The following PCNX1 variants were observed in gnomAD, a reference collection of about 807,000 sequenced individuals.
PCNX1 encodes pecanex 1, also known as pecanex-like protein 1.
PCNX1 carries 78 observed loss-of-function variants against 242.2 expected under a neutral mutation model. That is an observed-to-expected ratio of 0.32 (90% CI 0.27 to 0.39). PCNX1 has a LOEUF of 0.39. PCNX1 is among the 10% of genes least tolerant of loss of function. The pLI, the probability that PCNX1 is intolerant of heterozygous loss-of-function variation, is 1.00. For missense variants in PCNX1, 2,581 were observed against 2,856.5 expected (o/e 0.90, Z 2.20); for synonymous variants, 1,024 against 1,032.9 (o/e 0.99, Z 0.17).
chr14:70,964,073 C>CT (rs1327222739), intron 3 of PCNX1, among the ~76,000 whole-genome samples: 1 of 151,436 alleles, frequency 6.6e-6, no homozygotes, highest in Non-Finnish European at 1.5e-5. Flanking sequence ...TAGATTGATA[C>CT]TTTTTTTTTC....
intron 6 of PCNX1, among the ~76,000 whole-genome samples, chr14:70,979,973 T>C (rs1450927213): frequency 6.6e-6 from 1 of 151,996 alleles, no homozygotes; most frequent in Non-Finnish European, 1.5e-5. Flanking sequence ...CTTTTTTTTT[T>C]TTTTTGTAAA....
At chr14:70,915,646 AT>A (rs2056123822) in intron 1 of PCNX1, among the ~76,000 whole-genome samples, 1 of 152,132 alleles carries the variant, frequency 6.6e-6, no homozygotes. Context: ...TATGTAAGTC[AT>A]TTCCAGGTTT....
rs768320571 is a variant in PCNX1, at chr14:70,977,580, T to A, written c.1243T>A (p.Ser415Thr). 4.3e-6 allele frequency: 7 copies of A among 1,613,926 alleles called. No homozygotes were observed. The Admixed American group carries it at 8.3e-5, about 19-fold the overall frequency. The change falls in exon 6 of 36, where the codon TCA becomes ACA. Residue 415 changes from serine to threonine, a missense_variant. Transcript: ENST00000304743. ...CTCAACTCACATAGAGAGCATCCTG[T>A]CAGAGCATGAGGAGTCTCCTAAAGC... ...TSSTHIESIL[S>T]EHEESPKAGT...
intron 30 of PCNX1, among the ~76,000 whole-genome samples, chr14:71,097,237 T>C (rs2062314603): frequency 6.6e-6 from 1 of 152,242 alleles, no homozygotes; most frequent in African/African-American, 2.4e-5. Flanking sequence ...AGATTGATTC[T>C]GCATCTTTGC....
At chr14:71,028,584 T>G in intron 15 of PCNX1, 116 bp from the exon 16 acceptor site, 2 of 610,262 alleles carry the variant, frequency 3.3e-6, no homozygotes, top group Non-Finnish European at 5.6e-6. Flanking sequence ...AAATTCAGAT[T>G]AGTAGATATT....
At chr14:70,990,301 C>G (rs1429835593) in intron 7 of PCNX1, among the ~76,000 whole-genome samples, 2 of 151,884 alleles carry the variant, frequency 1.3e-5, no homozygotes, top group Non-Finnish European at 2.9e-5. Flanking sequence ...GTGGCTCATG[C>G]CTGTAATCCC....
At chr14:71,018,619 A>G (rs1028539938) in intron 11 of PCNX1, among the ~76,000 whole-genome samples, 25 of 152,162 alleles carry the variant, frequency 1.6e-4, no homozygotes, top group South Asian at 6.2e-4. Context: ...TCTAGAAACT[A>G]TTTTGAGATT....
At chr14:71,104,566 T>A (rs911750291) in intron 32 of PCNX1, among the ~76,000 whole-genome samples, 1 of 152,114 alleles carries the variant, frequency 6.6e-6, no homozygotes, top group Non-Finnish European at 1.5e-5. Context: ...ATATTAACAG[T>A]ATAAATAAAT....
At chr14:71,011,773 TAA>T in intron 10 of PCNX1, 1 of 479,542 alleles carries the variant, frequency 2.1e-6, no homozygotes, top group Non-Finnish European at 3.7e-6. Flanking sequence ...TAGAGTATTT[TAA>T]AAAGTGTTTT....
At chr14:71,030,406 C>T (rs754380152) in intron 16 of PCNX1, among the ~76,000 whole-genome samples, 15 of 152,010 alleles carry the variant, frequency 9.9e-5, no homozygotes, top group Non-Finnish European at 2.1e-4. Context: ...TTCTAGTTTA[C>T]GTGCCTAGAT....
At position 70,978,090 on chromosome 14, in the gene PCNX1, G is replaced by C; in HGVS notation, c.1753G>C (p.Gly585Arg). Residue 585 changes from glycine to arginine, a missense_variant, in exon 6 of 36, where the codon GGT becomes CGT. Gly to Arg is a moderately radical substitution (Grantham distance 125). This residue lies in a region of PCNX1 where 1,204 missense variants were observed against 1,216.7 expected (regional missense o/e 0.99). Coordinates refer to ENST00000304743, the MANE Select transcript of PCNX1 (RefSeq NM_014982.3). ...SRHRDYVCFR[G>R]VSGTKPHSAI... The stretch of plus-strand genomic sequence containing the variant: ...GCATAGGGACTATGTTTGCTTTCGA[G>C]GTGTTTCTGGTACCAAGCCACACAG... 1 of 1,614,046 alleles carries C rather than the reference G, an allele frequency of 6.2e-7. No homozygotes were observed. Among genetic ancestry groups the C allele is most frequent in the Non-Finnish European group, 8.5e-7 (1 of 1,180,018 alleles).
chr14:70,941,653 A>C (rs765814573), intron 1 of PCNX1, among the ~76,000 whole-genome samples: 5 of 152,132 alleles, frequency 3.3e-5, no homozygotes, highest in Admixed American at 2.6e-4. Flanking sequence ...TACTCTCTTC[A>C]AAGTTGTCAG....
At chr14:70,966,360 C>T (rs995085286) in intron 3 of PCNX1, among the ~76,000 whole-genome samples, 2 of 152,138 alleles carry the variant, frequency 1.3e-5, no homozygotes, top group Non-Finnish European at 2.9e-5. Context: ...AACGTTAGGC[C>T]TCTGGATTGG....
intron 2 of PCNX1, among the ~76,000 whole-genome samples, chr14:70,950,033 T>C (rs994132381): frequency 5.9e-5 from 9 of 152,198 alleles, no homozygotes; most frequent in African/African-American, 2.2e-4. Flanking sequence ...TGGGCACTCC[T>C]CTCTTAAGAC....
At chr14:70,964,902 T>A (rs117310566) in intron 3 of PCNX1, among the ~76,000 whole-genome samples, 310 of 152,348 alleles carry the variant, frequency 2.0e-3, no homozygotes, top group South Asian at 0.011. Flanking sequence ...ATGGTTGACA[T>A]AATTATTCTT....
At chr14:71,059,214 A>T (rs982585259) in intron 26 of PCNX1, among the ~76,000 whole-genome samples, 1 of 152,156 alleles carries the variant, frequency 6.6e-6, no homozygotes, top group African/African-American at 2.4e-5. Context: ...CCAGATTTTT[A>T]TTCTCTGGTA....
chr14:71,052,084 A>T, intron 24 of PCNX1, 72 bp downstream of exon 24: 1 of 1,068,482 alleles, frequency 9.4e-7, no homozygotes, highest in Non-Finnish European at 1.4e-6. Context: ...CAGCATTATT[A>T]TTAGAATTTA....
At position 71,110,689 on chromosome 14, in the gene PCNX1, T is replaced by C. The variant is rs1330937969; in HGVS notation, c.*754T>C. On this transcript the variant is annotated 3_prime_UTR_variant, in exon 36 of 36. Transcript: ENST00000304743. ...ATGCCAGGACATTGGGTATTTTCTT[T>C]AAAGTGAATATAGAATCTCAAGATA... 2.0e-5 allele frequency: 3 copies of C among 152,376 alleles called. No individual in the cohort carries two copies. Among genetic ancestry groups the C allele is most frequent in the Non-Finnish European group, 4.4e-5 (3 of 68,072 alleles). 9.4% of individuals were successfully genotyped at this position (152,376 alleles called of 1,614,324 possible).
Position 71,011,507 on chromosome 14 carries a change from T to C in PCNX1, c.2736T>C (p.His912=), listed in dbSNP as rs1017927416. The C allele has an allele frequency of 1.9e-6, 3 of 1,567,834 alleles. No individual in the cohort carries two copies. The highest frequency in any genetic ancestry group is 1.4e-5 in the African/African-American group (1 of 73,842). ...RASNICDTDS[H]VSSSTSVRFY... Reference sequence around the variant, plus strand: ...TTTATTTTAGTGACACAGATTCTCATGTATCCAGTTCTACCTCAGTTCGAT... The same window carrying C: ...TTTATTTTAGTGACACAGATTCTCACGTATCCAGTTCTACCTCAGTTCGAT... The change falls in exon 10 of 36, where the codon CAT becomes CAC. Residue 912 remains histidine, a synonymous_variant. Transcript: ENST00000304743.
Sources: gnomAD v4.1 joint callset for allele counts (sites outside exome capture counted in the v4.1 genomes callset) on GRCh38, gnomAD v4.1.1 for gene constraint, gnomAD v4.1.1 regional missense constraint, MANE v1.5 for transcripts, NCBI Gene and HGNC (gene_info 2026-07-23, HGNC 2026-07-21) for gene names.